PLCB4: variants seen among roughly 807,000 people sequenced by gnomAD.
PLCB4 encodes the protein phospholipase C beta 4, also known as 1-phosphatidylinositol 4,5-bisphosphate phosphodiesterase beta-4.
Under a neutral mutation model 178.8 loss-of-function variants are expected in PLCB4, and 77 were observed. That is an observed-to-expected ratio of 0.43 (90% CI 0.36 to 0.52). The LOEUF (loss-of-function observed/expected upper bound fraction) is 0.52, where lower values mean the gene tolerates loss of function less well. PLCB4 is among the 20% of genes least tolerant of loss of function. The probability of loss-of-function intolerance (pLI) is 0.00; values close to 1 mark genes in which losing one functional copy is unlikely to be tolerated. For synonymous variants in PLCB4, 496 were observed against 490.8 expected, an observed-to-expected ratio of 1.01 and a Z score of -0.14; for missense variants, 1,024 against 1,453.4, an observed-to-expected ratio of 0.70 and a Z score of 4.80.
intron 3 of PLCB4, among the ~76,000 whole-genome samples, chr20:9,242,431 G>A (rs903621625): frequency 3.3e-5 from 5 of 152,250 alleles, no homozygotes; most frequent in African/African-American, 1.2e-4. Flanking sequence ...AAAACAAAGG[G>A]ATGGCTCCTT....
chr20:9,138,752 C>T (rs1490026344), intron 2 of PLCB4, among the ~76,000 whole-genome samples: 2 of 152,172 alleles, frequency 1.3e-5, no homozygotes, highest in East Asian at 3.9e-4. Flanking sequence ...TGCCTTATTC[C>T]TTCTAATTAT....
intron 3 of PLCB4, among the ~76,000 whole-genome samples, chr20:9,273,689 T>C (rs2094426151): frequency 6.9e-6 from 1 of 145,492 alleles, no homozygotes; most frequent in Non-Finnish European, 1.6e-5. Flanking sequence ...TGTGTGTGTG[T>C]GTGTGTGTGT....
intron 3 of PLCB4, among the ~76,000 whole-genome samples, chr20:9,234,374 A>G (rs557774219): frequency 6.6e-6 from 1 of 152,250 alleles, no homozygotes; most frequent in East Asian, 1.9e-4. Flanking sequence ...GACAGCCTCT[A>G]AAGCTTTGGG....
chr20:9,407,372 CTTT>C (rs1193918345), intron 21 of PLCB4, among the ~76,000 whole-genome samples: 3 of 141,700 alleles, frequency 2.1e-5, no homozygotes. Flanking sequence ...ATAGTAATTT[CTTT>C]TTTTTTTTTT....
intron 35 of PLCB4, among the ~76,000 whole-genome samples, chr20:9,462,294 C>T (rs971897068): frequency 3.9e-5 from 6 of 152,158 alleles, no homozygotes; most frequent in African/African-American, 1.2e-4. Context: ...TAGATAAAAC[C>T]GCAAAGATGG....
chr20:9,435,746 T>C, intron 29 of PLCB4, 98 bp downstream of exon 29: 1 of 707,266 alleles, frequency 1.4e-6, no homozygotes, highest in Admixed American at 2.4e-5. Context: ...TTAGCAAATT[T>C]AAGGAGGGTT....
intron 3 of PLCB4, among the ~76,000 whole-genome samples, chr20:9,241,403 C>T (rs1312232768): frequency 6.6e-6 from 1 of 151,952 alleles, no homozygotes; most frequent in Non-Finnish European, 1.5e-5. Context: ...CACACACACA[C>T]ACACACACAC....
At position 9,090,918 on chromosome 20, in the gene PLCB4, T is replaced by G. The variant is rs556563915; in HGVS notation, c.-134-5369T>G. Among the ~76,000 whole-genome samples the G allele has an allele frequency of 7.1e-4, 108 of 152,326 alleles. 2 individuals carry two copies. The highest frequency in any genetic ancestry group is 6.8e-3 in the Middle Eastern group (2 of 292). ...TATTAGAAGCCTATTGCAATATACATGCAATTTGTTTTCTTTCGACAGTAG... is the reference window on the plus strand; with the variant it reads ...TATTAGAAGCCTATTGCAATATACAGGCAATTTGTTTTCTTTCGACAGTAG... On this transcript the variant is annotated intron_variant, in intron 1 of 39. Transcript: ENST00000378473.
At chr20:9,253,758 C>T (rs189862165) in intron 3 of PLCB4, among the ~76,000 whole-genome samples, 1 of 152,264 alleles carries the variant, frequency 6.6e-6, no homozygotes, top group East Asian at 1.9e-4. Context: ...CTGGAAGCTG[C>T]CCATGTTCAC....
intron 2 of PLCB4, among the ~76,000 whole-genome samples, chr20:9,140,415 A>C (rs1188665166): frequency 2.0e-5 from 3 of 152,086 alleles, no homozygotes; most frequent in Non-Finnish European, 4.4e-5. Flanking sequence ...TGCAGTGGCC[A>C]TGCATTGCTC....
chr20:9,213,215 G>C (rs1479038605), intron 2 of PLCB4, among the ~76,000 whole-genome samples: 1 of 129,078 alleles, frequency 7.7e-6, no homozygotes, highest in Non-Finnish European at 1.5e-5. Flanking sequence ...TGCAATCTCG[G>C]CTCACTACAA....
intron 4 of PLCB4, among the ~76,000 whole-genome samples, chr20:9,320,180 A>C (rs1299735561): frequency 1.3e-5 from 2 of 152,226 alleles, no homozygotes; most frequent in African/African-American, 2.4e-5. Flanking sequence ...CATATGCTAA[A>C]CAAGTGGTGG....
intron 28 of PLCB4, among the ~76,000 whole-genome samples, chr20:9,434,601 C>T (rs778290979): frequency 1.3e-5 from 2 of 152,132 alleles, no homozygotes; most frequent in Non-Finnish European, 2.9e-5. Flanking sequence ...GTCTTGAACT[C>T]GTGACCTCAG....
intron 4 of PLCB4, among the ~76,000 whole-genome samples, chr20:9,334,726 C>CGTA (rs2032201523): frequency 6.6e-6 from 1 of 151,946 alleles, no homozygotes; most frequent in East Asian, 1.9e-4. Context: ...GGAACTGGTG[C>CGTA]GTAGTGAGAG....
At chr20:9,308,720 A>T (rs1464104937) in intron 4 of PLCB4, among the ~76,000 whole-genome samples, 1 of 152,208 alleles carries the variant, frequency 6.6e-6, no homozygotes, top group Non-Finnish European at 1.5e-5. Context: ...CTGTGAGCTG[A>T]CATAGCTTAA....
chr20:9,263,037 G>C (rs1306392945), intron 3 of PLCB4, among the ~76,000 whole-genome samples: 1 of 152,100 alleles, frequency 6.6e-6, no homozygotes, highest in Non-Finnish European at 1.5e-5. Flanking sequence ...ACATGAGGTT[G>C]GGTGACTGTC....
chr20:9,140,368 C>G (rs1368260206), intron 2 of PLCB4, among the ~76,000 whole-genome samples: 2 of 152,084 alleles, frequency 1.3e-5, no homozygotes, highest in Non-Finnish European at 2.9e-5. Context: ...ACTGAAGGCT[C>G]TAGAAGGCAG....
chr20:9,262,257 G>A (rs1187461905), intron 3 of PLCB4, among the ~76,000 whole-genome samples: 2 of 152,176 alleles, frequency 1.3e-5, no homozygotes, highest in African/African-American at 4.8e-5. Context: ...TAATAAGAAA[G>A]AGTATGATAG....
At chr20:9,404,238 T>C (rs1334714465) in intron 20 of PLCB4, among the ~76,000 whole-genome samples, 1 of 152,096 alleles carries the variant, frequency 6.6e-6, no homozygotes, top group Non-Finnish European at 1.5e-5. Flanking sequence ...GGTGTGGCCC[T>C]TCACAGGAGC....
Sources: allele counts gnomAD v4.1 joint callset (sites outside exome capture counted in the v4.1 genomes callset), GRCh38; gene constraint gnomAD v4.1.1; transcripts MANE v1.5; gene names NCBI Gene and HGNC (gene_info 2026-07-23, HGNC 2026-07-21).